The following ZFPM2 variants were observed in gnomAD, a reference collection of about 807,000 sequenced individuals.
ZFPM2 encodes the protein zinc finger protein, FOG family member 2.
In ZFPM2, 20 loss-of-function variants were observed where a neutral mutation model predicts 98.6. The observed-to-expected ratio is 0.20, with a 90% CI of 0.14 to 0.29. The LOEUF is 0.29. ZFPM2 is among the 10% of genes least tolerant of loss of function. The pLI is 1.00. For synonymous variants in ZFPM2, 518 were observed against 502.7 expected (o/e 1.03, Z -0.41); for missense variants, 1,310 against 1,388.6 (o/e 0.94, Z 0.90).
At chr8:105,719,575 T>C (rs1170614039) in intron 5 of ZFPM2, among the ~76,000 whole-genome samples, 4 of 152,070 alleles carry the variant, frequency 2.6e-5, no homozygotes, top group East Asian at 3.9e-4. Flanking sequence ...TTTTCTGTTA[T>C]GTAAAATGGG....
chr8:105,618,688 T>A (rs1447218135), intron 4 of ZFPM2, among the ~76,000 whole-genome samples: 1 of 152,122 alleles, frequency 6.6e-6, no homozygotes, highest in Non-Finnish European at 1.5e-5. Flanking sequence ...CCCTATGACA[T>A]AAATGCGTTT....
chr8:105,461,321 G>A (rs992851245), intron 3 of ZFPM2, among the ~76,000 whole-genome samples: 2 of 152,036 alleles, frequency 1.3e-5, no homozygotes, highest in South Asian at 2.1e-4. Flanking sequence ...AATGAAGATG[G>A]CATTATATTT....
At chr8:105,566,169 C>T (rs1165468765) in intron 4 of ZFPM2, among the ~76,000 whole-genome samples, 3 of 152,112 alleles carry the variant, frequency 2.0e-5, no homozygotes, top group African/African-American at 4.8e-5. Flanking sequence ...CATTCAGAAA[C>T]GCCCTGTGAG....
chr8:105,781,019 A>T (rs1047675490), intron 5 of ZFPM2, among the ~76,000 whole-genome samples: 14 of 152,256 alleles, frequency 9.2e-5, no homozygotes, highest in African/African-American at 3.4e-4. Flanking sequence ...CTCTTTCTAC[A>T]CTATGTAAAA....
At chr8:105,398,336 G>A (rs545864381) in intron 1 of ZFPM2, among the ~76,000 whole-genome samples, 2 of 152,270 alleles carry the variant, frequency 1.3e-5, no homozygotes, top group African/African-American at 4.8e-5. Context: ...AGCACTCAGT[G>A]ATACAGATTT....
At chr8:105,697,227 T>C (rs1214561466) in intron 5 of ZFPM2, among the ~76,000 whole-genome samples, 1 of 152,218 alleles carries the variant, frequency 6.6e-6, no homozygotes, top group African/African-American at 2.4e-5. Context: ...TAATGAAGGT[T>C]AGAATGAGCG....
chr8:105,608,936 G>A (rs1368787957), intron 4 of ZFPM2, among the ~76,000 whole-genome samples: 1 of 151,656 alleles, frequency 6.6e-6, no homozygotes, highest in African/African-American at 2.4e-5. Flanking sequence ...ATTTAGTGGG[G>A]GGCGTATATC....
chr8:105,651,984 T>C (rs1476817684), intron 5 of ZFPM2, among the ~76,000 whole-genome samples: 1 of 152,164 alleles, frequency 6.6e-6, no homozygotes, highest in Non-Finnish European at 1.5e-5. Flanking sequence ...CATATATACA[T>C]AGCATATATT....
intron 3 of ZFPM2, among the ~76,000 whole-genome samples, chr8:105,489,860 A>C (rs1287856901): frequency 6.6e-6 from 1 of 152,170 alleles, no homozygotes; most frequent in East Asian, 1.9e-4. Flanking sequence ...ATATTTTCAA[A>C]ACAAATCAAG....
chr8:105,319,083 C>T, intron 1 of ZFPM2, 102 bp downstream of exon 1: 2 of 1,323,966 alleles, frequency 1.5e-6, no homozygotes, highest in Admixed American at 2.5e-5. Context: ...AGGGGAGATC[C>T]GCTCCCGGTC....
At chr8:105,651,394 G>A (rs1332515342) in intron 5 of ZFPM2, among the ~76,000 whole-genome samples, 2 of 150,424 alleles carry the variant, frequency 1.3e-5, no homozygotes, top group Non-Finnish European at 2.9e-5. Context: ...CTTGAACCTG[G>A]AAGTTGGAGG....
intron 1 of ZFPM2, among the ~76,000 whole-genome samples, chr8:105,333,486 A>C (rs1054601325): frequency 4.6e-5 from 7 of 151,726 alleles, no homozygotes; most frequent in African/African-American, 1.7e-4. Flanking sequence ...GTTCACTAGC[A>C]AGAAGGCAAA....
intron 3 of ZFPM2, among the ~76,000 whole-genome samples, chr8:105,488,996 A>G (rs746741663): frequency 1.4e-4 from 22 of 152,172 alleles, no homozygotes; most frequent in Non-Finnish European, 2.2e-4. Flanking sequence ...TTAATATCAT[A>G]ATGATACTAA....
chr8:105,451,524 C>T (rs992268594), intron 3 of ZFPM2: 1 of 152,100 alleles, frequency 6.6e-6, no homozygotes, highest in African/African-American at 2.4e-5. Context: ...GTAGGGTGGA[C>T]CCTTAATCCA....
At chr8:105,360,849 A>G (rs1182031003) in intron 1 of ZFPM2, among the ~76,000 whole-genome samples, 26 of 136,628 alleles carry the variant, frequency 1.9e-4, no homozygotes, top group African/African-American at 6.9e-4. Context: ...TATATGTGCC[A>G]CATTTTCTTA....
At chr8:105,694,075 C>T (rs756894392) in intron 5 of ZFPM2, among the ~76,000 whole-genome samples, 3 of 149,690 alleles carry the variant, frequency 2.0e-5, no homozygotes, top group Admixed American at 6.7e-5. Context: ...CAAGCTCTGC[C>T]TCTCGGGTTC....
At chr8:105,678,832 A>G (rs1406501538) in intron 5 of ZFPM2, 1 of 152,196 alleles carries the variant, frequency 6.6e-6, no homozygotes, top group African/African-American at 2.4e-5. Context: ...TCATTGGCTC[A>G]ATCAGCATAA....
intron 4 of ZFPM2, among the ~76,000 whole-genome samples, chr8:105,561,792 A>G (rs1189155956): frequency 6.6e-6 from 1 of 152,082 alleles, no homozygotes; most frequent in African/African-American, 2.4e-5. Flanking sequence ...AATTGCCTTT[A>G]TTTTTCAGAT....
chr8:105,606,676 T>C (rs1237360028), intron 4 of ZFPM2, among the ~76,000 whole-genome samples: 1 of 152,126 alleles, frequency 6.6e-6, no homozygotes, highest in African/African-American at 2.4e-5. Context: ...ATTTTCTATA[T>C]TCTTTTGGAA....
Sources: allele counts gnomAD v4.1 joint callset (sites outside exome capture counted in the v4.1 genomes callset), GRCh38; gene constraint gnomAD v4.1.1; transcripts MANE v1.5; gene names NCBI Gene and HGNC (gene_info 2026-07-23, HGNC 2026-07-21).